MYO3A: variants seen among roughly 807,000 people sequenced by gnomAD.
MYO3A encodes the protein myosin-IIIa.
MYO3A carries 180 observed loss-of-function variants against 192.7 expected under a neutral mutation model. The observed-to-expected ratio is 0.93, with a 90% CI of 0.83 to 1.06. MYO3A has a LOEUF of 1.06. MYO3A is among the 50% of genes least tolerant of loss of function. The probability of loss-of-function intolerance (pLI) is 0.00; values close to 1 mark genes in which losing one functional copy is unlikely to be tolerated. For missense variants in MYO3A, 1,896 were observed against 1,905.0 expected, an observed-to-expected ratio of 1.00 and a Z score of 0.09; for synonymous variants, 628 against 645.3, an observed-to-expected ratio of 0.97 and a Z score of 0.41.
chr10:26,185,726 C>G (rs912848080), intron 31 of MYO3A, among the ~76,000 whole-genome samples: 1 of 151,992 alleles, frequency 6.6e-6, no homozygotes, highest in Admixed American at 6.6e-5. Flanking sequence ...TTTCTCAACC[C>G]ACATTACTCA....
intron 4 of MYO3A, among the ~76,000 whole-genome samples, chr10:25,986,027 A>G (rs1026462484): frequency 6.6e-6 from 1 of 152,206 alleles, no homozygotes; most frequent in Non-Finnish European, 1.5e-5. Flanking sequence ...TGGGTTTTAT[A>G]CCAGGGATCC....
At chr10:25,947,109 C>G (rs953094946) in intron 2 of MYO3A, among the ~76,000 whole-genome samples, 7 of 151,592 alleles carry the variant, frequency 4.6e-5, no homozygotes, top group African/African-American at 1.7e-4. Flanking sequence ...TATATTCCTT[C>G]GTTCTTTTTT....
chr10:26,088,872 C>A (rs186439863), intron 15 of MYO3A, among the ~76,000 whole-genome samples: 5 of 152,284 alleles, frequency 3.3e-5, no homozygotes, highest in Admixed American at 3.3e-4. Context: ...CCTTTTATTG[C>A]TGGCTGATTT....
chr10:26,157,164 C>T, intron 25 of MYO3A, 146 bp from the exon 26 acceptor site: 2 of 722,422 alleles, frequency 2.8e-6, no homozygotes, highest in South Asian at 3.5e-5. Context: ...TTCATTAAAA[C>T]AGATTTTCCT....
intron 10 of MYO3A, among the ~76,000 whole-genome samples, chr10:26,062,909 T>C (rs1834600771): frequency 6.6e-6 from 1 of 152,020 alleles, no homozygotes; most frequent in Non-Finnish European, 1.5e-5. Context: ...TAGATGAAAA[T>C]ATACTAACAT....
chr10:26,165,756 G>C, intron 26 of MYO3A: 1 of 401,178 alleles, frequency 2.5e-6, no homozygotes. Flanking sequence ...GAAAGGTAGC[G>C]AAAAAACAAA....
intron 8 of MYO3A, 120 bp downstream of exon 8, chr10:26,021,768 G>A: frequency 7.5e-7 from 1 of 1,332,514 alleles, no homozygotes; most frequent in Non-Finnish European, 1.1e-6. Flanking sequence ...GGGAGCAGAA[G>A]ATCCTGGAAT....
At position 26,173,730 on chromosome 10, in the gene MYO3A, A is replaced by G. The variant is rs1216553986; in HGVS notation, c.3466A>G (p.Asn1156Asp). Residue 1156 changes from asparagine (N) to aspartate (D), a missense_variant, in exon 30 of 35, where the codon AAT (asparagine) becomes GAT (aspartate). Coordinates refer to ENST00000642920, the MANE Select transcript of MYO3A (RefSeq NM_017433.5). ...TAATGAAAGATTCATTTCAGCTCCA[A>G]ATAATAAAGGAAGTGTATCTGTAGT... ...SANERFISAP[N>D]NKGSVSVVKT... 1 of 1,614,040 alleles carries G rather than the reference A, an allele frequency of 6.2e-7. No homozygotes were observed. Among genetic ancestry groups the G allele is most frequent in the South Asian group, 1.1e-5 (1 of 91,046 alleles).
chr10:26,118,789 G>A (rs1043835302), intron 17 of MYO3A, among the ~76,000 whole-genome samples: 8 of 151,862 alleles, frequency 5.3e-5, no homozygotes, highest in African/African-American at 1.9e-4. Context: ...ACACCACCAC[G>A]CCCCGCTAAT....
chr10:26,211,703 A>T, intron 34 of MYO3A, 140 bp from the exon 35 acceptor site: 1 of 1,312,500 alleles, frequency 7.6e-7, no homozygotes, highest in Non-Finnish European at 1.1e-6. Flanking sequence ...GCCATTATCC[A>T]GTCGTTTCGA....
At chr10:26,144,740 C>G (rs1840353405) in intron 21 of MYO3A, among the ~76,000 whole-genome samples, 1 of 152,102 alleles carries the variant, frequency 6.6e-6, no homozygotes, top group Admixed American at 6.6e-5. Flanking sequence ...AGTTTACTTC[C>G]TCCGTACCAG....
chr10:26,128,279 A>G (rs1284598774), intron 19 of MYO3A, 112 bp from the exon 20 acceptor site: 6 of 1,091,772 alleles, frequency 5.5e-6, no homozygotes, highest in Middle Eastern at 2.1e-4. Flanking sequence ...CTCTAAGTGT[A>G]TGTTCTTATA....
Position 26,070,362 on chromosome 10 carries a change from T to C in MYO3A, c.1320T>C (p.Asn440=). 6.2e-7 allele frequency: 1 copy of C among 1,613,368 alleles called. No homozygotes were observed. Among genetic ancestry groups the C allele is most frequent in the South Asian group, 1.1e-5 (1 of 91,056 alleles). The change falls in exon 14 of 35, where the codon AAT becomes AAC. Residue 440 remains asparagine (N), a synonymous_variant. Coordinates refer to ENST00000642920, the MANE Select transcript of MYO3A (RefSeq NM_017433.5). ...AAAGTGGTGCTGGAAAGACTGAAAATGCTCATCTTTTAGTTCAGCAGCTGA... is the reference window on the plus strand; with the variant it reads ...AAAGTGGTGCTGGAAAGACTGAAAACGCTCATCTTTTAGTTCAGCAGCTGA... ...SGESGAGKTE[N]AHLLVQQLTV...
intron 17 of MYO3A, 96 bp downstream of exon 17, chr10:26,096,778 A>C: frequency 1.2e-6 from 1 of 850,454 alleles, no homozygotes. Context: ...ATACCAGCAT[A>C]AGTGCTTTAC....
intron 10 of MYO3A, among the ~76,000 whole-genome samples, chr10:26,044,668 G>A (rs72793982): frequency 0.16 from 24,640 of 152,010 alleles, 2,260 homozygotes; most frequent in Non-Finnish European, 0.21. Flanking sequence ...CTTAATGATT[G>A]GAGGGAGTCA....
Position 26,168,725 on chromosome 10 carries a change from A to G in MYO3A, c.3125A>G (p.Tyr1042Cys). 1 of 1,612,920 alleles carries G rather than the reference A, an allele frequency of 6.2e-7. No homozygotes were observed. The highest frequency in any genetic ancestry group is 1.1e-5 in the South Asian group (1 of 91,036). ...ALGKTKVFLK[Y>C]YHVEQLNLMR... ...TTAATTTTTCAGGTGTTCCTTAAGTATTATCACGTGGAGCAGTTAAATCTA... is the reference window on the plus strand; with the variant it reads ...TTAATTTTTCAGGTGTTCCTTAAGTGTTATCACGTGGAGCAGTTAAATCTA... The change falls in exon 28 of 35, where the codon TAT (tyrosine) becomes TGT (cysteine). Residue 1042 changes from tyrosine to cysteine, a missense_variant. By Grantham distance (194) the Tyr-to-Cys change is radical (BLOSUM62 -2). Transcript: ENST00000642920.
intron 14 of MYO3A, among the ~76,000 whole-genome samples, chr10:26,077,233 G>GTTTTTTTTATTT (rs1835634380): frequency 2.8e-5 from 1 of 36,284 alleles, no homozygotes; most frequent in African/African-American, 9.8e-5. Flanking sequence ...TATTCCTAAG[G>GTTTTTTTTATTT]TTTTTTTTTT....
intron 14 of MYO3A, among the ~76,000 whole-genome samples, chr10:26,073,524 C>T (rs1360038839): frequency 1.3e-5 from 2 of 150,112 alleles, no homozygotes; most frequent in African/African-American, 4.9e-5. Context: ...ACCTGGGAGG[C>T]AGAGCTTGCA....
intron 12 of MYO3A, 97 bp downstream of exon 12, chr10:26,068,981 T>A: frequency 1.2e-6 from 1 of 824,298 alleles, no homozygotes; most frequent in Non-Finnish European, 2.0e-6. Context: ...TTTTATCCAG[T>A]ATTTTGAATA....
Sources: gnomAD v4.1 joint callset for allele counts (sites outside exome capture counted in the v4.1 genomes callset) on GRCh38, gnomAD v4.1.1 for gene constraint, MANE v1.5 for transcripts, NCBI Gene and HGNC (gene_info 2026-07-23, HGNC 2026-07-21) for gene names.